Variants in TNKS observed in about 807,000 individuals in gnomAD.
TNKS encodes tankyrase, also known as poly [ADP-ribose] polymerase tankyrase-1.
TNKS carries 72 observed loss-of-function variants against 135.8 expected under a neutral mutation model. The ratio of observed to expected loss-of-function variants is 0.53; its 90% CI spans 0.44 to 0.64. TNKS has a LOEUF of 0.64. TNKS is among the 30% of genes least tolerant of loss of function. TNKS has a pLI of 0.00. For missense variants in TNKS, 1,769 were observed against 1,674.0 expected (o/e 1.06, Z -0.99); for synonymous variants, 849 against 649.3 (o/e 1.31, Z -4.68).
chr8:9,621,073 A>C (rs983205427), intron 3 of TNKS, among the ~76,000 whole-genome samples: 16 of 152,238 alleles, frequency 1.1e-4, no homozygotes, highest in Non-Finnish European at 2.1e-4. Flanking sequence ...AGTTTTAATA[A>C]ATTTTTAGCT....
rs545904242 is a variant in TNKS at position 9,692,726 on chromosome 8, C to A, written c.1107+11926C>A. On this transcript the variant is annotated intron_variant, in intron 5 of 26. Transcript: ENST00000310430. Reference sequence around the variant, plus strand: ...GTGAATAAAACAGCTTTTTTCCTTTCATCTCACCTCGTTAATCAATATTTA... The same window carrying A: ...GTGAATAAAACAGCTTTTTTCCTTTAATCTCACCTCGTTAATCAATATTTA... 2.0e-5 allele frequency among the ~76,000 whole-genome samples: 3 copies of A among 152,258 alleles called. No individual in the cohort carries two copies. The South Asian group carries it at 6.2e-4, about 32-fold the overall frequency.
intron 3 of TNKS, among the ~76,000 whole-genome samples, chr8:9,662,234 C>A (rs1418379848): frequency 6.6e-6 from 1 of 152,174 alleles, no homozygotes; most frequent in Non-Finnish European, 1.5e-5. Flanking sequence ...ACGCAGCCAT[C>A]CCATTACTGG....
At chr8:9,672,726 AAACT>A (rs1585310606) in intron 3 of TNKS, among the ~76,000 whole-genome samples, 2 of 147,358 alleles carry the variant, frequency 1.4e-5, no homozygotes, top group East Asian at 4.1e-4. Flanking sequence ...AAAAAAAAAC[AAACT>A]AATATCCCAC....
intron 3 of TNKS, among the ~76,000 whole-genome samples, chr8:9,665,751 T>TC (rs1801955070): frequency 6.6e-6 from 1 of 152,164 alleles, no homozygotes; most frequent in Non-Finnish European, 1.5e-5. Flanking sequence ...CAAGGATTCT[T>TC]CAACTCTCAT....
chr8:9,707,027 G>C, intron 8 of TNKS, 30 bp downstream of exon 8: 1 of 1,508,414 alleles, frequency 6.6e-7, no homozygotes, highest in Non-Finnish European at 8.9e-7. Context: ...AATCATTATC[G>C]CATAAATTGG....
intron 3 of TNKS, among the ~76,000 whole-genome samples, chr8:9,678,161 T>C (rs764691361): frequency 6.6e-6 from 1 of 152,260 alleles, no homozygotes; most frequent in African/African-American, 2.4e-5. Context: ...TACAGGCCTA[T>C]TGAAGAAATG....
intron 5 of TNKS, among the ~76,000 whole-genome samples, chr8:9,685,906 G>A (rs921175375): frequency 6.6e-6 from 1 of 152,178 alleles, no homozygotes; most frequent in African/African-American, 2.4e-5. Flanking sequence ...TTTTAGGGTT[G>A]TAGAGTTTCT....
At position 9,781,698 on chromosome 8, in the gene TNKS, G is replaced by A. The variant is rs879122222; in HGVS notation, c.*4962G>A. ...AAAACATTTACAAAACCAGCTTTGA[G>A]AAAATGTTATGTTGCCTGGCAACAG... is the stretch of plus-strand genomic sequence containing the variant. On this transcript the variant is annotated 3_prime_UTR_variant, in exon 27 of 27. Coordinates refer to ENST00000310430, the MANE Select transcript of TNKS (RefSeq NM_003747.3). 1 of 152,706 alleles carries A rather than the reference G, an allele frequency of 6.5e-6. No individual in the cohort carries two copies. Among genetic ancestry groups the A allele is most frequent in the South Asian group, 2.1e-4 (1 of 4,826 alleles). 9.5% of individuals were successfully genotyped at this position (152,706 alleles called of 1,614,324 possible).
chr8:9,667,861 C>G (rs1022629120), intron 3 of TNKS, among the ~76,000 whole-genome samples: 2 of 119,716 alleles, frequency 1.7e-5, no homozygotes, highest in Non-Finnish European at 1.7e-5. Flanking sequence ...TTTTTTGAGT[C>G]TCATTCATTT....
intron 3 of TNKS, among the ~76,000 whole-genome samples, chr8:9,639,100 T>TC (rs1800628235): frequency 1.3e-5 from 2 of 152,198 alleles, no homozygotes; most frequent in Admixed American, 1.3e-4. Context: ...ACTTTTATCA[T>TC]CATACTCTGC....
At chr8:9,582,599 C>T (rs896456696) in intron 2 of TNKS, among the ~76,000 whole-genome samples, 2 of 152,208 alleles carry the variant, frequency 1.3e-5, no homozygotes, top group African/African-American at 2.4e-5. Context: ...CCACCAGTTT[C>T]CAGCTGTGTG....
At chr8:9,730,766 GAAAT>G in intron 13 of TNKS, 120 bp from the exon 14 acceptor site, 3 of 1,131,474 alleles carry the variant, frequency 2.7e-6, no homozygotes, top group Admixed American at 5.0e-5. Flanking sequence ...CTAATCTTTG[GAAAT>G]AAATATTCAT....
At chr8:9,759,935 G>C (rs888743431) in intron 20 of TNKS, among the ~76,000 whole-genome samples, 6 of 151,024 alleles carry the variant, frequency 4.0e-5, no homozygotes, top group Admixed American at 4.0e-4. Flanking sequence ...CTGAGATCGC[G>C]CCACTGCACT....
chr8:9,670,054 C>G (rs191354115), intron 3 of TNKS: 1 of 152,118 alleles, frequency 6.6e-6, no homozygotes, highest in Non-Finnish European at 1.5e-5. Flanking sequence ...AAAGTTAATA[C>G]TATGGGCTAT....
chr8:9,602,513 C>G (rs1271727672), intron 2 of TNKS, among the ~76,000 whole-genome samples: 1 of 152,200 alleles, frequency 6.6e-6, no homozygotes, highest in African/African-American at 2.4e-5. Context: ...AGCCACCACT[C>G]AGATTAACTG....
At chr8:9,670,828 T>G (rs1802240683) in intron 3 of TNKS, 1 of 152,218 alleles carries the variant, frequency 6.6e-6, no homozygotes, top group South Asian at 2.1e-4. Flanking sequence ...AGGGTTAGTT[T>G]TTAGTTTATG....
intron 2 of TNKS, 94 bp from the exon 3 acceptor site, chr8:9,615,488 T>C: frequency 1.1e-6 from 1 of 931,276 alleles, no homozygotes; most frequent in African/African-American, 1.7e-5. Context: ...TTGTGCAATG[T>C]ATGTTTATGC....
At chr8:9,771,270 GAA>G in intron 26 of TNKS, among the ~76,000 whole-genome samples, 3 of 125,320 alleles carry the variant, frequency 2.4e-5, no homozygotes, top group African/African-American at 9.1e-5. Context: ...AGTGAGGGAG[GAA>G]GAGAGAGCGA....
At chr8:9,598,176 G>C (rs1236490205) in intron 2 of TNKS, among the ~76,000 whole-genome samples, 2 of 152,086 alleles carry the variant, frequency 1.3e-5, no homozygotes, top group African/African-American at 4.8e-5. Flanking sequence ...CTCCTGAGTA[G>C]CTGGGACTAC....
Sources: allele counts gnomAD v4.1 joint callset (sites outside exome capture counted in the v4.1 genomes callset), GRCh38; gene constraint gnomAD v4.1.1; transcripts MANE v1.5; gene names NCBI Gene and HGNC (gene_info 2026-07-23, HGNC 2026-07-21).